Variants in NID2 observed in about 807,000 individuals in gnomAD.
The protein encoded by NID2 is nidogen 2, also known as nidogen-2.
A neutral mutation model predicts 145.4 loss-of-function variants in NID2; 83 were observed. That is an observed-to-expected ratio of 0.57 (90% CI 0.48 to 0.69). The LOEUF is 0.69. Ranked by LOEUF, NID2 falls within the 30% of genes least tolerant of loss-of-function variation. The pLI is 0.00. For synonymous variants in NID2, 739 were observed against 701.3 expected (o/e 1.05, Z -0.85); for missense variants, 1,807 against 1,765.7 (o/e 1.02, Z -0.42).
intron 14 of NID2, among the ~76,000 whole-genome samples, chr14:52,016,578 A>G (rs185724345): frequency 6.6e-6 from 1 of 152,280 alleles, no homozygotes; most frequent in East Asian, 1.9e-4. Context: ...CACTTAGAAT[A>G]TCTTTACTTC....
chr14:52,016,646 G>T (rs1891223107), intron 14 of NID2, among the ~76,000 whole-genome samples: 1 of 152,126 alleles, frequency 6.6e-6, no homozygotes, highest in Admixed American at 6.6e-5. Flanking sequence ...TGCAATTTCT[G>T]CAACAGCCTT....
At chr14:52,042,407 A>G (rs958512729) in intron 6 of NID2, 57 bp from the exon 7 acceptor site, 61 of 1,537,484 alleles carry the variant, frequency 4.0e-5, no homozygotes, top group Non-Finnish European at 5.4e-5. Context: ...AGATGGGTGT[A>G]CCCAGGTATA....
In NID2 at chr14:52,057,501, T is replaced by C. The variant is rs533792029; in HGVS notation, c.767+2623A>G. ...GTGGATCACCTGAGGTCAGGAGTTT[T>C]AGACCAGCCTGGCCAACATGATGAA... On this transcript the variant is annotated intron_variant, in intron 3 of 21. Transcript: ENST00000216286. Among the ~76,000 whole-genome samples the C allele has an allele frequency of 4.7e-4, 72 of 151,840 alleles. 1 individual carries two copies. Among genetic ancestry groups the C allele is most frequent in the African/African-American group, 1.6e-3 (65 of 41,420 alleles).
chr14:52,027,873 G>T (rs916106222), intron 11 of NID2, among the ~76,000 whole-genome samples: 27 of 151,900 alleles, frequency 1.8e-4, no homozygotes, highest in African/African-American at 5.1e-4. Flanking sequence ...ACAGGCGTGA[G>T]CCACCATGCC....
intron 5 of NID2, among the ~76,000 whole-genome samples, chr14:52,051,615 T>C (rs1456557019): frequency 6.6e-6 from 1 of 152,184 alleles, no homozygotes; most frequent in Non-Finnish European, 1.5e-5. Flanking sequence ...CCTCTGAGCC[T>C]CCAATGTTTT....
At chr14:52,067,612 C>T (rs1165529078) in intron 2 of NID2, among the ~76,000 whole-genome samples, 3 of 152,214 alleles carry the variant, frequency 2.0e-5, no homozygotes, top group Non-Finnish European at 4.4e-5. Context: ...CACATCTGCA[C>T]TCCCGCTCTC....
chr14:52,048,019 G>A (rs147766805), intron 5 of NID2, among the ~76,000 whole-genome samples: 187 of 152,332 alleles, frequency 1.2e-3, no homozygotes, highest in African/African-American at 4.3e-3. Context: ...CCCCGCCAGT[G>A]ATTCTCACAC....
At position 52,029,650 on chromosome 14, in the gene NID2, C is replaced by T; in HGVS notation, c.2298G>A (p.Gly766=). ...GTGCTGTTGTGTCACACATGTGGCT[C>T]CCATCATAGCAAGGATTCCCCGGAG... ...DPTPGNPCYD[G]SHMCDTTARC... Residue 766 remains glycine, a synonymous_variant, in exon 10 of 22, where the codon GGG becomes GGA. Transcript: ENST00000216286. 1 of 1,613,948 alleles carries T rather than the reference C, an allele frequency of 6.2e-7. No homozygotes were observed. Among genetic ancestry groups the T allele is most frequent in the South Asian group, 1.1e-5 (1 of 91,068 alleles).
chr14:52,052,498 A>G (rs2140419787), intron 5 of NID2, among the ~76,000 whole-genome samples: 1 of 152,360 alleles, frequency 6.6e-6, no homozygotes, highest in East Asian at 1.9e-4. Flanking sequence ...TCACCCAGCA[A>G]GCTTGGCAGC....
rs554180806 is a variant in NID2 at position 52,010,940 on chromosome 14, G to C, written c.3658C>G (p.Arg1220Gly). 6.2e-7 allele frequency: 1 copy of C among 1,613,922 alleles called. No homozygotes were observed. The highest frequency in any genetic ancestry group is 1.7e-5 in the Admixed American group (1 of 60,006). ...AGATCTGTGTAGAAGAGGACCTTGC[G>C]CTCAGAGCCATCCAGCAGGGCGCTC... is the stretch of plus-strand genomic sequence containing the variant. The part of the protein sequence containing the change: ...IESALLDGSE[R>G]KVLFYTDLVN... The change falls in exon 18 of 22, where the codon CGC (arginine) becomes GGC (glycine). Residue 1220 changes from arginine to glycine, a missense_variant. By Grantham distance (125) the Arg-to-Gly change is moderately radical (BLOSUM62 -2). Coordinates refer to ENST00000216286, the MANE Select transcript of NID2 (RefSeq NM_007361.4).
At chr14:52,011,811 G>T in intron 16 of NID2, 128 bp from the exon 17 acceptor site, 1 of 1,138,280 alleles carries the variant, frequency 8.8e-7, no homozygotes, top group Non-Finnish European at 1.3e-6. Flanking sequence ...CAACAGAGCA[G>T]AGTAGCTGGA....
chr14:52,068,735 C>A (rs1315085898), intron 1 of NID2, 32 bp downstream of exon 1: 26 of 1,567,060 alleles, frequency 1.7e-5, no homozygotes, highest in Non-Finnish European at 2.3e-5. Flanking sequence ...GAAGAAGCTG[C>A]GGGAAAAGTG....
At chr14:52,043,757 G>T (rs924582146) in intron 5 of NID2, among the ~76,000 whole-genome samples, 3 of 151,724 alleles carry the variant, frequency 2.0e-5, no homozygotes, top group African/African-American at 7.3e-5. Flanking sequence ...AAATGCCATA[G>T]TTCATAAAGG....
At chr14:52,012,187 T>C (rs1595002253) in intron 16 of NID2, among the ~76,000 whole-genome samples, 1 of 152,226 alleles carries the variant, frequency 6.6e-6, no homozygotes, top group African/African-American at 2.4e-5. Context: ...AATTTGCCAC[T>C]ATATGCCAAC....
intron 3 of NID2, among the ~76,000 whole-genome samples, chr14:52,059,002 C>T (rs1387882442): frequency 6.6e-6 from 1 of 151,970 alleles, no homozygotes; most frequent in East Asian, 1.9e-4. Context: ...GAAACAAGGA[C>T]TCAGCATAAG....
chr14:52,007,678 CT>C, intron 19 of NID2, 131 bp downstream of exon 19: 1 of 818,706 alleles, frequency 1.2e-6, no homozygotes, highest in African/African-American at 1.7e-5. Context: ...CTTAAATTTA[CT>C]AGTACTTAAA....
At chr14:52,017,517 T>C (rs990062386) in intron 14 of NID2, among the ~76,000 whole-genome samples, 4 of 151,952 alleles carry the variant, frequency 2.6e-5, no homozygotes, top group African/African-American at 4.8e-5. Context: ...AGTCTCTTGG[T>C]TCCCCCCCCT....
rs140379779 is a variant in NID2 at position 52,006,615 on chromosome 14, C to A, written c.3926G>T (p.Arg1309Leu). Residue 1309 changes from arginine (R) to leucine (L), a missense_variant, in exon 20 of 22, where the codon CGT becomes CTT. Arg to Leu is a moderately radical substitution (Grantham distance 102). Transcript: ENST00000216286. Reference sequence around the variant, plus strand: ...GTACTTGAGGTTGTTTTGAATGACACGCCGTCCAGTTCCATCAGGTAGTGT... The same window carrying A: ...GTACTTGAGGTTGTTTTGAATGACAAGCCGTCCAGTTCCATCAGGTAGTGT... The part of the protein sequence containing the change: ...ECTLPDGTGR[R>L]VIQNNLKYPF... The A allele has an allele frequency of 1.3e-5, 21 of 1,613,730 alleles. No homozygotes were observed. Among genetic ancestry groups the A allele is most frequent in the African/African-American group, 5.3e-5 (4 of 74,908 alleles).
At chr14:52,042,462 C>T in intron 6 of NID2, 112 bp from the exon 7 acceptor site, 1 of 1,332,846 alleles carries the variant, frequency 7.5e-7, no homozygotes, top group Non-Finnish European at 1.0e-6. Flanking sequence ...TAGCAAGTCA[C>T]TTTAATGATT....
Sources: gnomAD v4.1 joint callset for allele counts (sites outside exome capture counted in the v4.1 genomes callset) on GRCh38, gnomAD v4.1.1 for gene constraint, MANE v1.5 for transcripts, NCBI Gene and HGNC (gene_info 2026-07-23, HGNC 2026-07-21) for gene names.